CMTM4: variants seen among roughly 807,000 people sequenced by gnomAD.
The protein encoded by CMTM4 is CKLF like MARVEL transmembrane domain containing 4.
In CMTM4, 8 loss-of-function variants were observed where a neutral mutation model predicts 19.0. That is an observed-to-expected ratio of 0.42 (90% CI 0.25 to 0.76). The LOEUF is 0.76. Ranked by LOEUF, CMTM4 falls within the 30% of genes least tolerant of loss-of-function variation. CMTM4 has a pLI of 0.27. For synonymous variants in CMTM4, 106 were observed against 121.1 expected (o/e 0.88, Z 0.82); for missense variants, 228 against 290.2 (o/e 0.79, Z 1.56).
rs1423027143 is a variant in CMTM4 at position 66,617,812 on chromosome 16, A to T, written c.*4246T>A. 1.0e-6 allele frequency: 1 copy of T among 993,796 alleles called. No individual in the cohort carries two copies. Among genetic ancestry groups the T allele is most frequent in the African/African-American group, 1.7e-5 (1 of 57,280 alleles). The allele number at this position is 993,796 out of a possible 1,614,324, so 61.6% of individuals were successfully genotyped here. ...TGCTGGACCCACATGTTCCTGAGCC[A>T]GATGCCAGGAGCTCACCCACAGGAC... On this transcript the variant is annotated 3_prime_UTR_variant, in exon 4 of 4. Coordinates refer to ENST00000394106, the MANE Select transcript of CMTM4 (RefSeq NM_181521.3).
At chr16:66,671,799 A>G (rs181413969) in intron 1 of CMTM4, among the ~76,000 whole-genome samples, 11 of 152,238 alleles carry the variant, frequency 7.2e-5, no homozygotes, top group Admixed American at 7.2e-4. Context: ...CCAGTAATGA[A>G]TATTTCAAAT....
chr16:66,620,108 T>TG lies in CMTM4; in HGVS notation c.*1949dup. ...ATCTCACTTCAAAGATGGCCTTTTTTGGGGGCCAAGTAACATGATTCCCAG... is the reference window on the plus strand; with the variant it reads ...ATCTCACTTCAAAGATGGCCTTTTTTGGGGGGCCAAGTAACATGATTCCCAG... On this transcript the variant is annotated 3_prime_UTR_variant, in exon 4 of 4. Coordinates refer to ENST00000394106, the MANE Select transcript of CMTM4 (RefSeq NM_181521.3). 3 of 985,452 alleles carry TG rather than the reference T, an allele frequency of 3.0e-6. No homozygotes were observed. The highest frequency in any genetic ancestry group is 3.6e-6 in the Non-Finnish European group (3 of 829,934). 61.0% of individuals were successfully genotyped at this position (985,452 alleles called of 1,614,324 possible).
At chr16:66,695,026 A>C (rs2017205459) in intron 1 of CMTM4, among the ~76,000 whole-genome samples, 1 of 152,106 alleles carries the variant, frequency 6.6e-6, no homozygotes, top group African/African-American at 2.4e-5. Context: ...TATTATTCCC[A>C]AGGAATGCTT....
chr16:66,637,041 C>T (rs966625406), intron 1 of CMTM4, among the ~76,000 whole-genome samples: 34 of 152,184 alleles, frequency 2.2e-4, no homozygotes, highest in African/African-American at 8.0e-4. Context: ...TCTGCAGTTA[C>T]CTTGGTGGCT....
rs142320554 is a variant in CMTM4 at position 66,622,120 on chromosome 16, G to A, written c.565C>T (p.Arg189Ter). ...ACATCCCTGGACTCCGTGCGGGCTCGGATGTAGTCATTGGTGCTCTGCTGG... is the reference window on the plus strand; with the variant it reads ...ACATCCCTGGACTCCGTGCGGGCTCAGATGTAGTCATTGGTGCTCTGCTGG... ...VRQQSTNDYI[R>*]ARTESRDVDS... is the part of the protein sequence containing the mutation. The change falls in exon 4 of 4, where the codon CGA becomes TGA. Residue 189 changes from arginine (R) to a stop codon, truncating the protein, a stop_gained. Coordinates refer to ENST00000394106, the MANE Select transcript of CMTM4 (RefSeq NM_181521.3). LOFTEE classifies it high-confidence loss of function. This position sits in a 1 kb window ranked among gnomAD's most constrained non-coding sequence, Gnocchi z 4.0. 24 of 1,608,686 alleles carry A rather than the reference G, an allele frequency of 1.5e-5. No homozygotes were observed. Among genetic ancestry groups the A allele is most frequent in the Middle Eastern group, 1.7e-4 (1 of 6,060 alleles).
the CMTM4 span, chr16:66,604,652 G>A: frequency 1.9e-6 from 1 of 528,484 alleles, no homozygotes; most frequent in Non-Finnish European, 2.8e-6. Context: ...CTGGAGGAGC[G>A]GGTGGGGGCG....
the CMTM4 span, among the ~76,000 whole-genome samples, chr16:66,606,807 G>T: frequency 1.3e-5 from 2 of 152,232 alleles, no homozygotes; most frequent in South Asian, 4.1e-4. Context: ...AGCCTGGCCA[G>T]CATGGTGAAA....
intron 1 of CMTM4, among the ~76,000 whole-genome samples, chr16:66,661,411 G>A (rs534830061): frequency 9.2e-5 from 14 of 152,168 alleles, no homozygotes; most frequent in Admixed American, 9.2e-4. Flanking sequence ...GAGGCTAAAC[G>A]CTTGTCAGTT....
chr16:66,662,819 A>C (rs1327210498), intron 1 of CMTM4, among the ~76,000 whole-genome samples: 2 of 152,194 alleles, frequency 1.3e-5, no homozygotes, highest in African/African-American at 4.8e-5. Context: ...AGAAAGAGGA[A>C]GCAAACCCAT....
downstream of CMTM4, among the ~76,000 whole-genome samples, chr16:66,611,637 G>GGAT (rs1482190737): frequency 2.6e-5 from 4 of 152,088 alleles, no homozygotes; most frequent in Non-Finnish European, 2.9e-5. Context: ...GCCAGGGAGG[G>GGAT]GATGAGCATC....
chr16:66,662,124 A>G (rs1398764728), intron 1 of CMTM4, among the ~76,000 whole-genome samples: 1 of 152,184 alleles, frequency 6.6e-6, no homozygotes, highest in African/African-American at 2.4e-5. Flanking sequence ...GCTTCCAAGT[A>G]TCATAAATTT....
chr16:66,687,816 T>C (rs1305669252), intron 1 of CMTM4, among the ~76,000 whole-genome samples: 1 of 151,184 alleles, frequency 6.6e-6, no homozygotes, highest in African/African-American at 2.4e-5. Flanking sequence ...GCCTCCTGAG[T>C]AGCTGGGACT....
rs770191111 is a variant in CMTM4, at chr16:66,621,871, C to T, written c.*187G>A. On this transcript the variant is annotated 3_prime_UTR_variant, in exon 4 of 4. Coordinates refer to ENST00000394106, the MANE Select transcript of CMTM4 (RefSeq NM_181521.3). ...CTCCACAGCCCCAAACGCTGAGGAACGTGGGCCTCCCAACTCCACCGCGGA... is the reference window on the plus strand; with the variant it reads ...CTCCACAGCCCCAAACGCTGAGGAATGTGGGCCTCCCAACTCCACCGCGGA... 4 of 1,420,348 alleles carry T rather than the reference C, an allele frequency of 2.8e-6. No individual in the cohort carries two copies. The highest frequency in any genetic ancestry group is 3.7e-6 in the Non-Finnish European group (4 of 1,090,092). 88.0% of individuals were successfully genotyped at this position (1,420,348 alleles called of 1,614,324 possible).
At chr16:66,688,696 T>C (rs904308749) in intron 1 of CMTM4, among the ~76,000 whole-genome samples, 1 of 152,198 alleles carries the variant, frequency 6.6e-6, no homozygotes, top group Non-Finnish European at 1.5e-5. Flanking sequence ...TGCTAGGATT[T>C]TGGGATCGTA....
At chr16:66,685,248 A>G (rs942185284) in intron 1 of CMTM4, among the ~76,000 whole-genome samples, 1 of 152,152 alleles carries the variant, frequency 6.6e-6, no homozygotes, top group African/African-American at 2.4e-5. Flanking sequence ...CTAATAAGTA[A>G]CTTTATTTTC....
intron 1 of CMTM4, among the ~76,000 whole-genome samples, chr16:66,639,478 A>G (rs555121483): frequency 1.3e-5 from 2 of 152,026 alleles, no homozygotes; most frequent in African/African-American, 4.8e-5. Flanking sequence ...GTTTTTTTTT[A>G]AATTACATTT....
chr16:66,603,295 T>A, the CMTM4 span, among the ~76,000 whole-genome samples: 1 of 152,078 alleles, frequency 6.6e-6, no homozygotes, highest in Non-Finnish European at 1.5e-5. Context: ...TTATTTTTTT[T>A]TTTATTTTTT....
chr16:66,695,728 T>C (rs1292199179), intron 1 of CMTM4, among the ~76,000 whole-genome samples: 1 of 152,156 alleles, frequency 6.6e-6, no homozygotes, highest in Admixed American at 6.5e-5. Flanking sequence ...TGCTGGGCGG[T>C]GGATTCCGGG....
intron 1 of CMTM4, among the ~76,000 whole-genome samples, chr16:66,648,155 T>C (rs1381226639): frequency 6.6e-6 from 1 of 152,286 alleles, no homozygotes; most frequent in East Asian, 1.9e-4. Context: ...GTGGAAGACT[T>C]TGTTGCCAGT....
Sources: gnomAD v4.1 joint callset for allele counts (sites outside exome capture counted in the v4.1 genomes callset) on GRCh38, gnomAD v4.1.1 for gene constraint, Gnocchi (gnomAD v3.1) non-coding constraint, MANE v1.5 for transcripts, NCBI Gene and HGNC (gene_info 2026-07-23, HGNC 2026-07-21) for gene names.